Variants in ZC2HC1B observed in about 807,000 individuals in gnomAD.
The protein encoded by ZC2HC1B is zinc finger C2HC-type containing 1B, also known as zinc finger C2HC domain-containing protein 1B.
Under a neutral mutation model 31.0 loss-of-function variants are expected in ZC2HC1B, and 36 were observed. The ratio of observed to expected loss-of-function variants is 1.16; its 90% CI spans 0.89 to 1.54. The LOEUF (loss-of-function observed/expected upper bound fraction) is 1.54, where lower values mean the gene tolerates loss of function less well. Ranked by LOEUF, ZC2HC1B falls within the 40% of genes most tolerant of loss-of-function variation. The pLI is 0.00. For synonymous variants in ZC2HC1B, 73 were observed against 88.0 expected (o/e 0.83, Z 0.95); for missense variants, 260 against 268.6 (o/e 0.97, Z 0.22).
Position 143,897,008 on chromosome 6 carries a change from C to T in ZC2HC1B, c.350-1544C>T, listed in dbSNP as rs1777673618. Among the ~76,000 whole-genome samples, 3 of 152,082 alleles carry T rather than the reference C, an allele frequency of 2.0e-5. No individual in the cohort carries two copies. In the South Asian group the frequency reaches 6.2e-4, roughly 32 times the overall value. ...TGTTAAATTAATGATGAGGTACTGC[C>T]TTCTGGATGGAGTAAGAAATAAAGG... On this transcript the variant is annotated intron_variant, in intron 4 of 7. Transcript: ENST00000237275.
rs1314312012 is a variant in ZC2HC1B at position 143,938,082 on chromosome 6, G to A, written c.*15-60G>A. The A allele has an allele frequency of 6.3e-6, 1 of 158,362 alleles. No individual in the cohort carries two copies. Among genetic ancestry groups the A allele is most frequent in the Non-Finnish European group, 1.4e-5 (1 of 72,348 alleles). The allele number at this position is 158,362 out of a possible 1,614,324, so 9.8% of individuals were successfully genotyped here. On this transcript the variant is annotated intron_variant, in intron 7 of 7. Transcript: ENST00000237275. The surrounding 1 kb of genome is among the most constrained non-coding windows in gnomAD (Gnocchi z 4.2). ...AGTCTGAAGAGGCCTATGTTATTTA[G>A]CATTCTCAATGTGGAAACAATGACA...
intron 1 of ZC2HC1B, chr6:143,881,550 C>CAAAAAAAAA (rs1174647223): frequency 1.2e-4 from 4 of 34,448 alleles, no homozygotes; most frequent in Admixed American, 3.5e-4. Flanking sequence ...GACCCTGTCT[C>CAAAAAAAAA]AAAAAAAAAA....
chr6:143,926,823 ATCT>A (rs1384531066), intron 6 of ZC2HC1B, among the ~76,000 whole-genome samples: 2 of 113,670 alleles, frequency 1.8e-5, no homozygotes, highest in Non-Finnish European at 3.6e-5. Context: ...TTAGAATTGT[ATCT>A]TCTTTTTTTT....
intron 6 of ZC2HC1B, among the ~76,000 whole-genome samples, chr6:143,936,806 A>G (rs1422474688): frequency 6.6e-6 from 1 of 152,234 alleles, no homozygotes; most frequent in Non-Finnish European, 1.5e-5. Context: ...TTTTACCTGC[A>G]CTAGCATTCC....
intron 5 of ZC2HC1B, among the ~76,000 whole-genome samples, chr6:143,900,218 C>T (rs1462208677): frequency 2.6e-5 from 4 of 151,772 alleles, no homozygotes; most frequent in Non-Finnish European, 4.4e-5. Flanking sequence ...GGAGAAACCC[C>T]GTCTCTACTA....
At chr6:143,928,561 A>G (rs566660192) in intron 6 of ZC2HC1B, among the ~76,000 whole-genome samples, 3 of 151,360 alleles carry the variant, frequency 2.0e-5, no homozygotes, top group African/African-American at 4.8e-5. Context: ...TGCTTTTGCT[A>G]TTTGGGTTCT....
chr6:143,912,915 G>C (rs527528463), intron 6 of ZC2HC1B, among the ~76,000 whole-genome samples: 2 of 152,170 alleles, frequency 1.3e-5, no homozygotes, highest in African/African-American at 4.8e-5. Context: ...CACAGGCCAG[G>C]GTGACCAGAG....
At chr6:143,930,072 T>C (rs1057504405) in intron 6 of ZC2HC1B, among the ~76,000 whole-genome samples, 8 of 152,166 alleles carry the variant, frequency 5.3e-5, no homozygotes, top group Admixed American at 2.0e-4. Context: ...TTGTATTGTG[T>C]TTTTGGTCTC....
rs1017393160 is a variant in ZC2HC1B at position 143,923,452 on chromosome 6, G to C, written c.599-14197G>C. Among the ~76,000 whole-genome samples, 1 of 152,042 alleles carries C rather than the reference G, an allele frequency of 6.6e-6. No individual in the cohort carries two copies. The highest frequency in any genetic ancestry group is 1.5e-5 in the Non-Finnish European group (1 of 67,946). ...TCCTTTGCTGCATAGAAGCTTTTTAGTTTATATAGTCCCATTTGTTTATTT... is the reference window on the plus strand; with the variant it reads ...TCCTTTGCTGCATAGAAGCTTTTTACTTTATATAGTCCCATTTGTTTATTT... On this transcript the variant is annotated intron_variant, in intron 6 of 7. Coordinates refer to ENST00000237275, the MANE Select transcript of ZC2HC1B (RefSeq NM_001013623.3). This position sits in a 1 kb window ranked among gnomAD's most constrained non-coding sequence, Gnocchi z 4.8.
At chr6:143,935,750 G>A (rs1183027675) in intron 6 of ZC2HC1B, among the ~76,000 whole-genome samples, 1 of 139,730 alleles carries the variant, frequency 7.2e-6, no homozygotes, top group Non-Finnish European at 1.5e-5. Context: ...GACTTCCTGG[G>A]TACAAGTGAC....
At chr6:143,928,471 A>G (rs909619460) in intron 6 of ZC2HC1B, among the ~76,000 whole-genome samples, 2 of 152,108 alleles carry the variant, frequency 1.3e-5, no homozygotes, top group African/African-American at 2.4e-5. Context: ...GTTGATCTAT[A>G]TGTCTATGTT....
intron 1 of ZC2HC1B, among the ~76,000 whole-genome samples, chr6:143,866,704 T>G (rs1777268343): frequency 6.6e-6 from 1 of 152,240 alleles, no homozygotes; most frequent in South Asian, 2.1e-4. Flanking sequence ...TTTATGTTAC[T>G]TCTTCATGTG....
intron 6 of ZC2HC1B, among the ~76,000 whole-genome samples, chr6:143,931,510 A>C (rs1778118505): frequency 6.6e-6 from 1 of 152,174 alleles, no homozygotes; most frequent in South Asian, 2.1e-4. Context: ...CAGTTCTTGT[A>C]GTGCTGGCAT....
At position 143,884,233 on chromosome 6, in the gene ZC2HC1B, C is replaced by T; in HGVS notation, c.29-71C>T. Reference sequence around the variant, plus strand: ...GGATATCAAGCTATTGAGGTCACCTCCAGTCAGTCATTTCTTCTCAGCGAG... The same window carrying T: ...GGATATCAAGCTATTGAGGTCACCTTCAGTCAGTCATTTCTTCTCAGCGAG... On this transcript the variant is annotated intron_variant, in intron 1 of 7. Transcript: ENST00000237275. The surrounding 1 kb of genome is among the most constrained non-coding windows in gnomAD (Gnocchi z 5.1). 2 of 1,401,084 alleles carry T rather than the reference C, an allele frequency of 1.4e-6. No individual in the cohort carries two copies. The highest frequency in any genetic ancestry group is 1.9e-6 in the Non-Finnish European group (2 of 1,027,618). The allele number at this position is 1,401,084 out of a possible 1,614,324, so 86.8% of individuals were successfully genotyped here.
chr6:143,871,183 C>T lies in ZC2HC1B; in HGVS notation c.28+6616C>T, dbSNP rs533160981. 7.2e-5 allele frequency among the ~76,000 whole-genome samples: 11 copies of T among 152,278 alleles called. No individual in the cohort carries two copies. Among genetic ancestry groups the T allele is most frequent in the South Asian group, 4.1e-4 (2 of 4,820 alleles). On this transcript the variant is annotated intron_variant, in intron 1 of 7. Coordinates refer to ENST00000237275, the MANE Select transcript of ZC2HC1B (RefSeq NM_001013623.3). The surrounding 1 kb of genome is among the most constrained non-coding windows in gnomAD (Gnocchi z 4.1). ...TCATCAGATTTCCCATCCTCTGGCA[C>T]GCAAATATCTCACCAATAAGTCCAG...
rs780470490 is a variant in ZC2HC1B, at chr6:143,896,321, C to A, written c.350-2231C>A. Among the ~76,000 whole-genome samples the A allele has an allele frequency of 1.1e-3, 165 of 152,304 alleles. 1 individual carries two copies. Among genetic ancestry groups the A allele is most frequent in the Non-Finnish European group, 1.7e-3 (114 of 68,030 alleles). On this transcript the variant is annotated intron_variant, in intron 4 of 7. Transcript: ENST00000237275. ...GAATGAGCAAGTGGGATTAAGGAAG[C>A]AACTCAGTATTGCCATGATCATTGT...
Position 143,869,928 on chromosome 6 carries a change from CG to C in ZC2HC1B, c.28+5364del, listed in dbSNP as rs1777316697. Among the ~76,000 whole-genome samples, 1 of 152,134 alleles carries C rather than the reference CG, an allele frequency of 6.6e-6. No individual in the cohort carries two copies. The highest frequency in any genetic ancestry group is 1.5e-5 in the Non-Finnish European group (1 of 68,022). ...AAGAGGCTGAGTGGTGTCCACAGAA[CG>C]GGTCATCCTATCCACTTGATTATTA... On this transcript the variant is annotated intron_variant, in intron 1 of 7. Transcript: ENST00000237275. This position sits in a 1 kb window ranked among gnomAD's most constrained non-coding sequence, Gnocchi z 5.2.
rs747165316 is a variant in ZC2HC1B, at chr6:143,869,723, A to G, written c.28+5156A>G. 5.9e-5 allele frequency among the ~76,000 whole-genome samples: 9 copies of G among 152,238 alleles called. No individual in the cohort carries two copies. Among genetic ancestry groups the G allele is most frequent in the Non-Finnish European group, 1.0e-4 (7 of 68,038 alleles). On this transcript the variant is annotated intron_variant, in intron 1 of 7. Transcript: ENST00000237275. This position sits in a 1 kb window ranked among gnomAD's most constrained non-coding sequence, Gnocchi z 5.2. ...GCTGATCACCCTGAGAAGTGGTGCCATATCGAGGTCTCAGTGTTGGTCTCT... is the reference window on the plus strand; with the variant it reads ...GCTGATCACCCTGAGAAGTGGTGCCGTATCGAGGTCTCAGTGTTGGTCTCT...
In ZC2HC1B at chr6:143,911,424, C is replaced by T. The variant is rs991072937; in HGVS notation, c.598+8272C>T. Among the ~76,000 whole-genome samples the T allele has an allele frequency of 5.9e-5, 9 of 152,084 alleles. No individual in the cohort carries two copies. Among genetic ancestry groups the T allele is most frequent in the African/African-American group, 2.2e-4 (9 of 41,412 alleles). On this transcript the variant is annotated intron_variant, in intron 6 of 7. Transcript: ENST00000237275. The surrounding 1 kb of genome is among the most constrained non-coding windows in gnomAD (Gnocchi z 4.5). ...TTTGTAATGGCTTTTCCTTTCCATA[C>T]TTAGTGCTTCCTTCAGGAGCTCTTG...
Sources: allele counts gnomAD v4.1 joint callset (sites outside exome capture counted in the v4.1 genomes callset), GRCh38; gene constraint gnomAD v4.1.1; non-coding constraint Gnocchi (gnomAD v3.1); transcripts MANE v1.5; gene names NCBI Gene and HGNC (gene_info 2026-07-23, HGNC 2026-07-21).